Variants in SCAF4 observed in about 807,000 individuals in gnomAD.
SCAF4 encodes SR-related and CTD-associated factor 4.
A neutral mutation model predicts 129.8 loss-of-function variants in SCAF4; 25 were observed. The observed-to-expected ratio is 0.19, with a 90% CI of 0.14 to 0.27. The LOEUF (loss-of-function observed/expected upper bound fraction) is 0.27, where lower values mean the gene tolerates loss of function less well. Ranked by LOEUF, SCAF4 falls within the 10% of genes least tolerant of loss-of-function variation. The pLI is 1.00. For synonymous variants in SCAF4, 551 were observed against 497.7 expected (o/e 1.11, Z -1.43); for missense variants, 1,246 against 1,457.1 (o/e 0.86, Z 2.36).
In SCAF4 at chr21:31,671,571, T is replaced by C. The variant is rs138926969; in HGVS notation, c.3272A>G (p.Lys1091Arg). 5.0e-6 allele frequency: 8 copies of C among 1,614,214 alleles called. No homozygotes were observed. The East Asian group carries it at 1.1e-4, about 22-fold the overall frequency. The change falls in exon 20 of 20, where the codon AAA (lysine) becomes AGA (arginine). Residue 1091 changes from lysine (K) to arginine (R), a missense_variant. Coordinates refer to ENST00000286835, the MANE Select transcript of SCAF4 (RefSeq NM_020706.2). ...PEVTDRAGGN[K>R]TVEPPISQVG... ...TTGGCTAATGGGAGGTTCAACGGTT[T>C]TGTTACCACCTGCCCTGTCTGTCAC...
At chr21:31,685,316 A>G in intron 18 of SCAF4, 76 bp from the exon 19 acceptor site, 1 of 1,493,984 alleles carries the variant, frequency 6.7e-7, no homozygotes, top group Non-Finnish European at 9.3e-7. Context: ...ATGCCATACT[A>G]TAGATCCTAT....
intron 19 of SCAF4, among the ~76,000 whole-genome samples, chr21:31,677,248 CCT>C (rs2049881178): frequency 2.6e-5 from 4 of 152,204 alleles, no homozygotes; most frequent in South Asian, 2.1e-4. Context: ...GGATCTGTCC[CCT>C]CTCACCTACA....
chr21:31,717,311 T>C (rs1467841228), intron 1 of SCAF4, among the ~76,000 whole-genome samples: 2 of 152,188 alleles, frequency 1.3e-5, no homozygotes, highest in African/African-American at 2.4e-5. Flanking sequence ...GAGAATTTCA[T>C]GCTATTAAAA....
chr21:31,726,490 C>A (rs538755643), intron 1 of SCAF4, among the ~76,000 whole-genome samples: 5 of 152,076 alleles, frequency 3.3e-5, no homozygotes, highest in Admixed American at 6.6e-5. Flanking sequence ...AGCCAAACCC[C>A]GTGTCTACCG....
chr21:31,712,953 T>G, intron 1 of SCAF4: 1 of 698,972 alleles, frequency 1.4e-6, no homozygotes, highest in Non-Finnish European at 1.8e-6. Flanking sequence ...TCCTACCCCC[T>G]CTCACATACA....
intron 1 of SCAF4, among the ~76,000 whole-genome samples, chr21:31,719,245 A>C (rs983094681): frequency 6.6e-6 from 1 of 152,136 alleles, no homozygotes; most frequent in African/African-American, 2.4e-5. Flanking sequence ...AGCCAAGATC[A>C]CGCCATCGCA....
intron 19 of SCAF4, among the ~76,000 whole-genome samples, chr21:31,677,632 A>G (rs991040671): frequency 1.3e-5 from 2 of 152,176 alleles, no homozygotes; most frequent in African/African-American, 4.8e-5. Context: ...GTCATCTGAT[A>G]GTTCACCTCT....
At chr21:31,674,196 T>C (rs1215545628) in intron 19 of SCAF4, among the ~76,000 whole-genome samples, 4 of 152,132 alleles carry the variant, frequency 2.6e-5, no homozygotes, top group Non-Finnish European at 4.4e-5. Flanking sequence ...GATGATAAAA[T>C]ACAAACCCCA....
rs549514745 is a variant in SCAF4, at chr21:31,726,358, T to A, written c.30+5305A>T. Among the ~76,000 whole-genome samples, 119 of 152,284 alleles carry A rather than the reference T, an allele frequency of 7.8e-4. 1 individual carries two copies. The highest frequency in any genetic ancestry group is 2.8e-3 in the African/African-American group (116 of 41,570). ...CCACGCCTGGCGGTGGCCCTTAACC[T>A]TTAAGAATTTAAAAGGATCTAGCCA... On this transcript the variant is annotated intron_variant, in intron 1 of 19. Coordinates refer to ENST00000286835, the MANE Select transcript of SCAF4 (RefSeq NM_020706.2).
intron 19 of SCAF4, among the ~76,000 whole-genome samples, chr21:31,679,338 GGTTT>G (rs150716530): frequency 0.033 from 5,088 of 151,928 alleles, 128 homozygotes; most frequent in Non-Finnish European, 0.047. Flanking sequence ...TATATCCCTA[GGTTT>G]TTTTTTTAAT....
chr21:31,700,696 G>A (rs2123576481), intron 7 of SCAF4: 2 of 383,370 alleles, frequency 5.2e-6, no homozygotes, highest in Admixed American at 4.3e-5. Context: ...CCCAAGTATT[G>A]GGGTTAATGA....
intron 1 of SCAF4, among the ~76,000 whole-genome samples, chr21:31,728,499 G>T (rs1169405442): frequency 6.6e-6 from 1 of 152,126 alleles, no homozygotes; most frequent in Admixed American, 6.5e-5. Flanking sequence ...AATTAAATTG[G>T]AGAGATCCCA....
At chr21:31,724,813 C>T (rs1033654042) in intron 1 of SCAF4, among the ~76,000 whole-genome samples, 1 of 152,200 alleles carries the variant, frequency 6.6e-6, no homozygotes, top group African/African-American at 2.4e-5. Context: ...TAGAAACCAA[C>T]TTTTCCATTA....
At position 31,696,716 on chromosome 21, in the gene SCAF4, G is replaced by A. The variant is rs2123557535; in HGVS notation, c.812C>T (p.Pro271Leu). The change falls in exon 8 of 20, where the codon CCA becomes CTA. Residue 271 changes from proline to leucine, a missense_variant. Physicochemically the swap from Pro to Leu is moderately conservative, Grantham distance 98 (BLOSUM62 -3). Around this residue, in one of 6 missense-constraint regions of SCAF4, gnomAD observed 236 missense variants for 210.0 expected, o/e 1.12. Transcript: ENST00000286835. ...TTTCTTTGATTCTTCCACAGCTTCT[G>A]GCTCATCATCATAGTCAAATCTATC... Reference protein sequence around the residue: ...LLDRFDYDDEPEAVEESKKED... With the variant: ...LLDRFDYDDELEAVEESKKED... The A allele has an allele frequency of 6.2e-7, 1 of 1,613,252 alleles. No individual in the cohort carries two copies. Among genetic ancestry groups the A allele is most frequent in the East Asian group, 2.2e-5 (1 of 44,868 alleles).
At position 31,671,727 on chromosome 21, in the gene SCAF4, T is replaced by G; in HGVS notation, c.3116A>C (p.Asp1039Ala). The G allele has an allele frequency of 1.2e-6, 2 of 1,614,164 alleles. No individual in the cohort carries two copies. Among genetic ancestry groups the G allele is most frequent in the Non-Finnish European group, 1.7e-6 (2 of 1,180,012 alleles). ...DRREWGRRSP[D>A]RDRHRDLEER... ...TTCCAAGTCTCTGTGCCTGTCCCGG[T>G]CAGGGCTCCTCCTTCCCCACTCTCT... The change falls in exon 20 of 20, where the codon GAC becomes GCC. Residue 1039 changes from aspartate to alanine, a missense_variant. Transcript: ENST00000286835.
intron 19 of SCAF4, among the ~76,000 whole-genome samples, chr21:31,679,272 G>A (rs1442413515): frequency 6.6e-6 from 1 of 151,950 alleles, no homozygotes; most frequent in Non-Finnish European, 1.5e-5. Flanking sequence ...CCCACATGAA[G>A]AAAAAGATGT....
chr21:31,688,231 G>C, intron 16 of SCAF4, 76 bp downstream of exon 16: 1 of 1,395,008 alleles, frequency 7.2e-7, no homozygotes, highest in Non-Finnish European at 9.7e-7. Flanking sequence ...TATGAATCCA[G>C]ACATATATCT....
At chr21:31,711,054 C>T (rs2050788315) in intron 1 of SCAF4, among the ~76,000 whole-genome samples, 2 of 152,152 alleles carry the variant, frequency 1.3e-5, no homozygotes, top group South Asian at 2.1e-4. Context: ...AAGTGATCCT[C>T]CCATCTCAGC....
chr21:31,674,166 G>A (rs1335999268), intron 19 of SCAF4, among the ~76,000 whole-genome samples: 1 of 152,146 alleles, frequency 6.6e-6, no homozygotes, highest in Non-Finnish European at 1.5e-5. Context: ...ACTTTGTACA[G>A]AAGAGAGAAA....
Sources: allele counts gnomAD v4.1 joint callset (sites outside exome capture counted in the v4.1 genomes callset), GRCh38; gene constraint gnomAD v4.1.1; regional missense constraint gnomAD v4.1.1; transcripts MANE v1.5; gene names NCBI Gene and HGNC (gene_info 2026-07-23, HGNC 2026-07-21).